The following HADH variants were observed in gnomAD, a reference collection of about 807,000 sequenced individuals.
HADH encodes hydroxyacyl-CoA dehydrogenase.
Under a neutral mutation model 32.2 loss-of-function variants are expected in HADH, and 24 were observed. The observed-to-expected ratio is 0.75, with a 90% CI of 0.54 to 1.05. The LOEUF (loss-of-function observed/expected upper bound fraction) is 1.05, where lower values mean the gene tolerates loss of function less well. Ranked by LOEUF, HADH falls within the 50% of genes least tolerant of loss-of-function variation. The pLI is 0.00. For missense variants in HADH, 350 were observed against 397.1 expected, an observed-to-expected ratio of 0.88 and a Z score of 1.01; for synonymous variants, 139 against 152.5, an observed-to-expected ratio of 0.91 and a Z score of 0.65.
intron 6 of HADH, chr4:108,032,414 CA>C: frequency 7.4e-7 from 1 of 1,354,164 alleles, no homozygotes; most frequent in Non-Finnish European, 1.1e-6. Flanking sequence ...AATGTGATGC[CA>C]GGGGAATACT....
chr4:108,009,610 C>T (rs1735407946), intron 1 of HADH, 149 bp from the exon 2 acceptor site: 6 of 704,318 alleles, frequency 8.5e-6, no homozygotes, highest in South Asian at 8.1e-5. Flanking sequence ...TTAATGTTGA[C>T]TTATCATATG....
intron 4 of HADH, among the ~76,000 whole-genome samples, chr4:108,019,888 A>G (rs982061128): frequency 6.6e-6 from 1 of 152,184 alleles, no homozygotes; most frequent in Non-Finnish European, 1.5e-5. Context: ...AACTTTGTGG[A>G]ATGTCATTTA....
intron 1 of HADH, among the ~76,000 whole-genome samples, chr4:107,997,540 A>G (rs978146109): frequency 2.6e-5 from 4 of 152,124 alleles, no homozygotes; most frequent in Non-Finnish European, 5.9e-5. Flanking sequence ...TGTGCTAGTC[A>G]CTTAGCCTAT....
chr4:108,015,616 G>T (rs951872427), intron 3 of HADH, among the ~76,000 whole-genome samples: 7 of 152,088 alleles, frequency 4.6e-5, no homozygotes, highest in African/African-American at 1.7e-4. Context: ...GGTTTCCGTT[G>T]TTCTCCATCC....
At chr4:108,029,122 C>G (rs1736166941) in intron 6 of HADH, 2 of 378,076 alleles carry the variant, frequency 5.3e-6, no homozygotes, top group Non-Finnish European at 9.4e-6. Context: ...GGTGCTGCTT[C>G]CCTACTGCAC....
chr4:107,990,165 C>CA, intron 1 of HADH, 101 bp downstream of exon 1: 1 of 1,271,446 alleles, frequency 7.9e-7, no homozygotes, highest in Non-Finnish European at 1.1e-6. Context: ...CCGCCCGACA[C>CA]CAGGGAGTTT....
At chr4:108,034,147 A>G (rs970298776) in intron 7 of HADH, 92 bp from the exon 8 acceptor site, 1 of 887,568 alleles carries the variant, frequency 1.1e-6, no homozygotes, top group Non-Finnish European at 1.9e-6. Context: ...CTCCCACATC[A>G]GAGGCAGGCC....
At chr4:107,994,568 T>A (rs1467643211) in intron 1 of HADH, among the ~76,000 whole-genome samples, 1 of 152,196 alleles carries the variant, frequency 6.6e-6, no homozygotes, top group Non-Finnish European at 1.5e-5. Flanking sequence ...CTGCTTTGCT[T>A]GCAAAGCAGT....
chr4:108,012,838 T>A (rs1735546195), intron 2 of HADH, among the ~76,000 whole-genome samples: 1 of 152,210 alleles, frequency 6.6e-6, no homozygotes, highest in African/African-American at 2.4e-5. Context: ...CTAAGAAAAG[T>A]TACTATTTAT....
intron 1 of HADH, among the ~76,000 whole-genome samples, chr4:108,006,326 G>A (rs1017149393): frequency 2.0e-5 from 3 of 152,200 alleles, no homozygotes; most frequent in African/African-American, 7.2e-5. Context: ...AGTGGCTGGT[G>A]TAGACAGGGA....
chr4:107,992,979 GGTGGCAT>G (rs764146350), intron 1 of HADH, among the ~76,000 whole-genome samples: 4 of 152,162 alleles, frequency 2.6e-5, no homozygotes, highest in Non-Finnish European at 4.4e-5. Context: ...TAGCCAGCAT[GGTGGCAT>G]GTGCCTGTGG....
Position 108,034,603 on chromosome 4 carries a change from C to G in HADH, c.*246C>G. On this transcript the variant is annotated 3_prime_UTR_variant, in exon 8 of 8. Transcript: ENST00000309522. ...GTGTATTTTCTAAACAGCTTTACAC[C>G]CTTGGTGCCTTGGAGCAAACATGTT... 3 of 426,818 alleles carry G rather than the reference C, an allele frequency of 7.0e-6. No individual in the cohort carries two copies. Among genetic ancestry groups the G allele is most frequent in the South Asian group, 6.1e-5 (3 of 48,876 alleles). 26.4% of individuals were successfully genotyped at this position (426,818 alleles called of 1,614,324 possible).
At chr4:107,990,457 A>C (rs1001647781) in intron 1 of HADH, among the ~76,000 whole-genome samples, 1 of 152,234 alleles carries the variant, frequency 6.6e-6, no homozygotes, top group Admixed American at 6.5e-5. Flanking sequence ...TGCCAAAGAC[A>C]TGAACTGCGA....
intron 3 of HADH, among the ~76,000 whole-genome samples, chr4:108,016,862 T>C (rs1254477358): frequency 2.0e-5 from 3 of 152,246 alleles, no homozygotes; most frequent in Admixed American, 2.0e-4. Context: ...GCAGCAGCAC[T>C]GGTACCTATT....
At chr4:108,015,666 A>C (rs965719641) in intron 3 of HADH, among the ~76,000 whole-genome samples, 3 of 152,154 alleles carry the variant, frequency 2.0e-5, no homozygotes, top group Non-Finnish European at 4.4e-5. Context: ...GGCTGCTGTG[A>C]TCTGATCCTT....
At chr4:108,005,235 A>G (rs1415177288) in intron 1 of HADH, 1 of 209,312 alleles carries the variant, frequency 4.8e-6, no homozygotes. Context: ...TAGAATTAAT[A>G]CAAGTGTATT....
At chr4:107,991,466 A>T (rs537439692) in intron 1 of HADH, among the ~76,000 whole-genome samples, 1 of 152,280 alleles carries the variant, frequency 6.6e-6, no homozygotes, top group African/African-American at 2.4e-5. Flanking sequence ...AGTTTTTTAC[A>T]ACGTTTTTAT....
intron 6 of HADH, chr4:108,028,919 A>G (rs957089263): frequency 4.3e-5 from 17 of 398,580 alleles, no homozygotes; most frequent in Non-Finnish European, 7.5e-5. Flanking sequence ...GCATAGGTGC[A>G]TGCCCTTTAG....
chr4:108,033,759 T>C (rs189145754), intron 7 of HADH, among the ~76,000 whole-genome samples: 159 of 152,342 alleles, frequency 1.0e-3, no homozygotes, highest in African/African-American at 3.7e-3. Context: ...TAATTAAAAC[T>C]GGACTACTGA....
Sources: allele counts gnomAD v4.1 joint callset (sites outside exome capture counted in the v4.1 genomes callset), GRCh38; gene constraint gnomAD v4.1.1; transcripts MANE v1.5; gene names NCBI Gene and HGNC (gene_info 2026-07-23, HGNC 2026-07-21).